Variants in SCN11A observed in about 807,000 individuals in gnomAD.
SCN11A encodes the protein sodium channel protein type 11 subunit alpha.
Under a neutral mutation model 162.2 loss-of-function variants are expected in SCN11A, and 122 were observed. The observed-to-expected ratio is 0.75, with a 90% CI of 0.65 to 0.87. The LOEUF is 0.87. Among genes scored for constraint, SCN11A ranks in the 40% least tolerant of loss-of-function variants. The pLI is 0.00. For missense variants in SCN11A, 2,015 were observed against 2,181.6 expected, an observed-to-expected ratio of 0.92 and a Z score of 1.52; for synonymous variants, 758 against 751.5, an observed-to-expected ratio of 1.01 and a Z score of -0.14.
chr3:39,048,638 T>C, intron 1 of SCN11A, among the ~76,000 whole-genome samples: 1 of 152,226 alleles, frequency 6.6e-6, no homozygotes, highest in East Asian at 1.9e-4. Flanking sequence ...ACAAATTTAT[T>C]GATACTTCAT....
chr3:38,862,143 A>T (rs562883006), intron 28 of SCN11A, among the ~76,000 whole-genome samples: 3 of 152,138 alleles, frequency 2.0e-5, no homozygotes, highest in African/African-American at 7.2e-5. Flanking sequence ...AAAATGCTCA[A>T]CATCACTAAT....
chr3:38,942,979 G>C (rs553618723), intron 7 of SCN11A, among the ~76,000 whole-genome samples: 1 of 152,192 alleles, frequency 6.6e-6, no homozygotes, highest in South Asian at 2.1e-4. Context: ...ATTTATCCCA[G>C]AGAAATGCAA....
chr3:38,908,477 G>A (rs1339528128), intron 13 of SCN11A, among the ~76,000 whole-genome samples: 1 of 152,130 alleles, frequency 6.6e-6, no homozygotes, highest in Non-Finnish European at 1.5e-5. Flanking sequence ...TAGAGGATCA[G>A]TGCGAGTATA....
rs1383591968 is a variant in SCN11A at position 38,953,669 on chromosome 3, A to C, written c.-48T>G. 6.6e-6 allele frequency among the ~76,000 whole-genome samples: 1 copy of C among 152,116 alleles called. No individual in the cohort carries two copies. The highest frequency in any genetic ancestry group is 1.5e-5 in the Non-Finnish European group (1 of 68,024). On this transcript the variant is annotated 5_prime_UTR_variant, in exon 4 of 30. Transcript: ENST00000302328. Reference sequence around the variant, plus strand: ...GAGCAGATGAGAGGACAGTGTGGCCACTCACTGAGACAGAGAGTGCAAGAA... The same window carrying C: ...GAGCAGATGAGAGGACAGTGTGGCCCCTCACTGAGACAGAGAGTGCAAGAA...
At chr3:38,930,548 A>G (rs549433825) in intron 7 of SCN11A, among the ~76,000 whole-genome samples, 1 of 152,276 alleles carries the variant, frequency 6.6e-6, no homozygotes, top group South Asian at 2.1e-4. Flanking sequence ...GCAATTGCAG[A>G]TTTGTGGGAT....
intron 2 of SCN11A, among the ~76,000 whole-genome samples, chr3:39,006,888 T>C (rs1357410387): frequency 1.3e-5 from 2 of 151,648 alleles, no homozygotes; most frequent in Non-Finnish European, 2.9e-5. Context: ...AATTTTTAAT[T>C]CAATAGAAGA....
intron 4 of SCN11A, among the ~76,000 whole-genome samples, chr3:38,951,061 A>T (rs1430070023): frequency 6.6e-6 from 1 of 152,180 alleles, no homozygotes; most frequent in Admixed American, 6.5e-5. Flanking sequence ...GCACTTGAGG[A>T]GCCCTTCAGC....
chr3:39,014,191 C>T (rs547096781), intron 2 of SCN11A, among the ~76,000 whole-genome samples: 1 of 152,274 alleles, frequency 6.6e-6, no homozygotes, highest in South Asian at 2.1e-4. Context: ...TTCTACTGAA[C>T]ATGCAAGTAT....
chr3:38,910,843 T>C (rs920790329), intron 11 of SCN11A, among the ~76,000 whole-genome samples: 1 of 152,218 alleles, frequency 6.6e-6, no homozygotes, highest in Non-Finnish European at 1.5e-5. Flanking sequence ...AACATAGGTC[T>C]TTTCACATAT....
chr3:38,856,881 T>C (rs986262095), intron 28 of SCN11A, among the ~76,000 whole-genome samples: 1 of 152,144 alleles, frequency 6.6e-6, no homozygotes, highest in African/African-American at 2.4e-5. Context: ...AATGACTCTT[T>C]ATAACTAAGG....
At chr3:38,974,694 C>CAAAAAAAAAAAAAAA (rs773028321) in intron 2 of SCN11A, among the ~76,000 whole-genome samples, 14 of 47,948 alleles carry the variant, frequency 2.9e-4, no homozygotes, top group African/African-American at 3.7e-4. Flanking sequence ...GACTCCGTCT[C>CAAAAAAAAAAAAAAA]AAAAAAAAAA....
chr3:38,938,895 G>C (rs2066398176), intron 7 of SCN11A, among the ~76,000 whole-genome samples: 1 of 151,930 alleles, frequency 6.6e-6, no homozygotes, highest in Admixed American at 6.6e-5. Context: ...TAGAATTTAA[G>C]GCCAGGTGCT....
In SCN11A at chr3:38,934,701, A is replaced by C. The variant is rs1048395728; in HGVS notation, c.489-7770T>G. 4.6e-5 allele frequency among the ~76,000 whole-genome samples: 7 copies of C among 152,024 alleles called. No individual in the cohort carries two copies. In the South Asian group the frequency reaches 1.5e-3, roughly 32 times the overall value. ...AACTATCCTAAATATATATGCACCC[A>C]ATACAGGAGCACCCAGATTCATAAA... On this transcript the variant is annotated intron_variant, in intron 7 of 29. Coordinates refer to ENST00000302328, the MANE Select transcript of SCN11A (RefSeq NM_001349253.2).
chr3:39,037,551 T>C (rs2031939165), intron 1 of SCN11A, among the ~76,000 whole-genome samples: 1 of 152,200 alleles, frequency 6.6e-6, no homozygotes, highest in South Asian at 2.1e-4. Context: ...CCTGATGTGA[T>C]TATTGCACAT....
intron 2 of SCN11A, among the ~76,000 whole-genome samples, chr3:38,976,234 T>C (rs2066848435): frequency 6.6e-6 from 1 of 152,140 alleles, no homozygotes; most frequent in Non-Finnish European, 1.5e-5. Context: ...GGCAGAAATA[T>C]TGAAAGTCAA....
At chr3:38,917,206 C>T (rs1030890147) in intron 11 of SCN11A, among the ~76,000 whole-genome samples, 6 of 152,320 alleles carry the variant, frequency 3.9e-5, no homozygotes, top group Non-Finnish European at 5.9e-5. Context: ...GAACATTTAT[C>T]CACCGTTGGT....
At chr3:38,958,076 T>A (rs2066703192) in intron 3 of SCN11A, among the ~76,000 whole-genome samples, 1 of 152,242 alleles carries the variant, frequency 6.6e-6, no homozygotes, top group African/African-American at 2.4e-5. Context: ...CTCTTATTTA[T>A]GAATTCGCCT....
At chr3:39,000,701 G>A (rs56266542) in intron 2 of SCN11A, among the ~76,000 whole-genome samples, 11,352 of 152,176 alleles carry the variant, frequency 0.075, 584 homozygotes, top group African/African-American at 0.14. Flanking sequence ...TACCTAGCAC[G>A]TTGAAGATAA....
rs1553644519 is a variant in SCN11A, at chr3:38,950,191, C to G, written c.172G>C (p.Ala58Pro). The G allele has an allele frequency of 6.2e-7, 1 of 1,613,706 alleles. No individual in the cohort carries two copies. The highest frequency in any genetic ancestry group is 1.7e-5 in the Admixed American group (1 of 59,950). ...PQPRPQLDLK[A>P]SRKLPKLYGD... ...TAGAGCTTGGGCAACTTCCTGGAGG[C>G]CTTTAGGTCAAGCTGAGGCCGAGGC... Residue 58 changes from alanine to proline, a missense_variant, in exon 5 of 30, where the codon GCC becomes CCC. By Grantham distance (27) the Ala-to-Pro change is conservative. Coordinates refer to ENST00000302328, the MANE Select transcript of SCN11A (RefSeq NM_001349253.2).
Sources: gnomAD v4.1 joint callset for allele counts (sites outside exome capture counted in the v4.1 genomes callset) on GRCh38, gnomAD v4.1.1 for gene constraint, MANE v1.5 for transcripts, NCBI Gene and HGNC (gene_info 2026-07-23, HGNC 2026-07-21) for gene names.